Variants in KCNG1 observed in about 807,000 individuals in gnomAD.
KCNG1 encodes the protein potassium voltage-gated channel modifier subfamily G member 1.
Under a neutral mutation model 32.4 loss-of-function variants are expected in KCNG1, and 17 were observed. The observed-to-expected ratio is 0.52, with a 90% CI of 0.36 to 0.79. The LOEUF (loss-of-function observed/expected upper bound fraction) is 0.79. Ranked by LOEUF, KCNG1 falls within the 30% of genes least tolerant of loss-of-function variation. The pLI is 0.00. For synonymous variants in KCNG1, 358 were observed against 339.9 expected, an observed-to-expected ratio of 1.05 and a Z score of -0.59; for missense variants, 441 against 735.2, an observed-to-expected ratio of 0.60 and a Z score of 4.63.
chr20:51,020,544 T>A (rs1988441351), intron 1 of KCNG1, among the ~76,000 whole-genome samples: 1 of 152,122 alleles, frequency 6.6e-6, no homozygotes, highest in Non-Finnish European at 1.5e-5. Flanking sequence ...AGCAATGGAG[T>A]GCTTCAGCTA....
At chr20:51,018,714 C>A (rs1988366282) in intron 1 of KCNG1, among the ~76,000 whole-genome samples, 1 of 152,192 alleles carries the variant, frequency 6.6e-6, no homozygotes, top group Non-Finnish European at 1.5e-5. Flanking sequence ...ATCACTAATA[C>A]CCCCATTTTA....
chr20:51,004,884 C>A lies in KCNG1; in HGVS notation c.775-78G>T. On this transcript the variant is annotated intron_variant, in intron 2 of 2. Transcript: ENST00000371571. The surrounding 1 kb of genome is among the most constrained non-coding windows in gnomAD (Gnocchi z 4.3). ...GAGGGCAGAAGCTCTGCCCTGTGCC[C>A]TGCTGGGCTTCCCAGGCGGAAGGTG... 1 of 1,394,702 alleles carries A rather than the reference C, an allele frequency of 7.2e-7. No homozygotes were observed. Among genetic ancestry groups the A allele is most frequent in the South Asian group, 1.5e-5 (1 of 64,894 alleles). 86.4% of individuals were successfully genotyped at this position (1,394,702 alleles called of 1,614,324 possible).
chr20:51,022,578 G>A (rs1162957863), intron 1 of KCNG1: 1 of 152,162 alleles, frequency 6.6e-6, no homozygotes, highest in Non-Finnish European at 1.5e-5. Flanking sequence ...GCCCCCGCCG[G>A]GGTCACCGCG....
chr20:51,012,497 G>A (rs1601100561), intron 1 of KCNG1: 2 of 152,322 alleles, frequency 1.3e-5, no homozygotes, highest in African/African-American at 4.8e-5. Context: ...CTTGTTAAAT[G>A]AGTACATTTC....
At chr20:51,020,048 T>G (rs1988417995) in intron 1 of KCNG1, among the ~76,000 whole-genome samples, 1 of 152,048 alleles carries the variant, frequency 6.6e-6, no homozygotes, top group Non-Finnish European at 1.5e-5. Flanking sequence ...CTGGGGAGAT[T>G]GTGTGCTGGG....
chr20:51,019,638 G>A (rs1023247822), intron 1 of KCNG1, among the ~76,000 whole-genome samples: 11 of 152,148 alleles, frequency 7.2e-5, no homozygotes, highest in African/African-American at 2.7e-4. Flanking sequence ...TTTCTCTCCT[G>A]TACTCTGCAG....
Position 51,010,188 on chromosome 20 carries a change from C to T in KCNG1, c.151G>A (p.Glu51Lys), listed in dbSNP as rs1988020041. The change falls in exon 2 of 3, where the codon GAG (glutamate) becomes AAG (lysine). Residue 51 changes from glutamate to lysine, a missense_variant. Around this residue, in one of 6 missense-constraint regions of KCNG1, gnomAD observed 85 missense variants for 98.2 expected, o/e 0.87. Transcript: ENST00000371571. ...RRAQRLRPQDEPRQGCQPEDR... is the reference protein window; with the variant it reads ...RRAQRLRPQDKPRQGCQPEDR... ...TCGGGCTGACAGCCCTGGCGGGGCTCATCCTGCGGCCGCAGCCGCTGCGCC... is the reference window on the plus strand; with the variant it reads ...TCGGGCTGACAGCCCTGGCGGGGCTTATCCTGCGGCCGCAGCCGCTGCGCC... The T allele has an allele frequency of 3.1e-6, 5 of 1,598,630 alleles. No individual in the cohort carries two copies. Among genetic ancestry groups the T allele is most frequent in the Non-Finnish European group, 4.3e-6 (5 of 1,172,728 alleles).
intron 2 of KCNG1, chr20:51,007,066 C>T (rs1012127127): frequency 6.6e-6 from 1 of 152,274 alleles, no homozygotes; most frequent in Non-Finnish European, 1.5e-5. Flanking sequence ...GTTGATTTTA[C>T]CAGCTGGGTG....
chr20:51,010,169 T>C lies in KCNG1; in HGVS notation c.170A>G (p.Gln57Arg). 6.2e-7 allele frequency: 1 copy of C among 1,608,054 alleles called. No individual in the cohort carries two copies. The change falls in exon 2 of 3, where the codon CAG becomes CGG. Residue 57 changes from glutamine (Q) to arginine (R), a missense_variant. Transcript: ENST00000371571. ...RPQDEPRQGCQPEDRRRRIII... is the reference protein window; with the variant it reads ...RPQDEPRQGCRPEDRRRRIII... ...GATCCGACGGCGGCGGTCCTCGGGC[T>C]GACAGCCCTGGCGGGGCTCATCCTG...
Position 51,004,288 on chromosome 20 carries a change from G to T in KCNG1, c.1293C>A (p.Val431=), listed in dbSNP as rs186604143. The T allele has an allele frequency of 1.2e-4, 191 of 1,613,196 alleles. No individual in the cohort carries two copies. The East Asian group carries it at 2.5e-3, about 21-fold the overall frequency. ...CTACCTGGCCCGGGGTGCTCCTGGG[G>T]ACCATGTCGCCATAGCCCACCGTCG... The part of the protein sequence containing the change: ...TMTTVGYGDM[V]PRSTPGQVVA... Residue 431 remains valine (V), a synonymous_variant, in exon 3 of 3, where the codon GTC becomes GTA. Coordinates refer to ENST00000371571, the MANE Select transcript of KCNG1 (RefSeq NM_002237.4). The surrounding 1 kb of genome is among the most constrained non-coding windows in gnomAD (Gnocchi z 4.3).
chr20:51,020,406 G>A (rs1988435368), intron 1 of KCNG1, among the ~76,000 whole-genome samples: 1 of 152,146 alleles, frequency 6.6e-6, no homozygotes, highest in South Asian at 2.1e-4. Flanking sequence ...GTGTGGGTAT[G>A]AGAGTGAAGA....
At chr20:51,017,386 T>C (rs914745326) in intron 1 of KCNG1, among the ~76,000 whole-genome samples, 1 of 152,200 alleles carries the variant, frequency 6.6e-6, no homozygotes. Context: ...CTCAAGCACA[T>C]GTGAGGATCT....
chr20:51,022,632 T>G (rs1337693889), intron 1 of KCNG1: 1 of 152,120 alleles, frequency 6.6e-6, no homozygotes, highest in Non-Finnish European at 1.5e-5. Flanking sequence ...CCCCTTGGGA[T>G]GAACCGAAGC....
intron 1 of KCNG1, among the ~76,000 whole-genome samples, chr20:51,021,130 GAGA>G (rs1372798401): frequency 6.6e-6 from 1 of 152,340 alleles, no homozygotes; most frequent in East Asian, 1.9e-4. Context: ...CAAGTCTCAG[GAGA>G]AGAACCTAGG....
In KCNG1 at chr20:51,003,900, T is replaced by C. The variant is rs1987711136; in HGVS notation, c.*139A>G. 4.6e-6 allele frequency: 4 copies of C among 862,006 alleles called. No individual in the cohort carries two copies. Among genetic ancestry groups the C allele is most frequent in the Middle Eastern group, 3.6e-4 (1 of 2,812 alleles). The allele number at this position is 862,006 out of a possible 1,614,324, so 53.4% of individuals were successfully genotyped here. A position where few individuals can be genotyped will look rare whatever the true frequency, so the allele number is the denominator to read the frequency against. Reference sequence around the variant, plus strand: ...TCTTCCCGGGGTGTGGGAGTGAGGGTGTCCTTCCCCGGGTGCGTGGGAGTC... The same window carrying C: ...TCTTCCCGGGGTGTGGGAGTGAGGGCGTCCTTCCCCGGGTGCGTGGGAGTC... On this transcript the variant is annotated 3_prime_UTR_variant, in exon 3 of 3. Coordinates refer to ENST00000371571, the MANE Select transcript of KCNG1 (RefSeq NM_002237.4).
chr20:51,018,696 TG>T (rs1988365724), intron 1 of KCNG1, among the ~76,000 whole-genome samples: 1 of 152,200 alleles, frequency 6.6e-6, no homozygotes, highest in Non-Finnish European at 1.5e-5. Context: ...CCTAAAAAGG[TG>T]GGCATTATCA....
Position 51,004,875 on chromosome 20 carries a change from C to T in KCNG1, c.775-69G>A. On this transcript the variant is annotated intron_variant, in intron 2 of 2. Transcript: ENST00000371571. The surrounding 1 kb of genome is among the most constrained non-coding windows in gnomAD (Gnocchi z 4.3). ...CCAGGAAAGGAGGGCAGAAGCTCTG[C>T]CCTGTGCCCTGCTGGGCTTCCCAGG... The T allele has an allele frequency of 7.0e-7, 1 of 1,423,958 alleles. No homozygotes were observed. The highest frequency in any genetic ancestry group is 9.3e-7 in the Non-Finnish European group (1 of 1,074,670). 88.2% of individuals were successfully genotyped at this position (1,423,958 alleles called of 1,614,324 possible). A position where few individuals can be genotyped will look rare whatever the true frequency, so the allele number is the denominator to read the frequency against.
chr20:51,008,711 C>T (rs528541723), intron 2 of KCNG1, among the ~76,000 whole-genome samples: 1 of 152,084 alleles, frequency 6.6e-6, no homozygotes, highest in South Asian at 2.1e-4. Context: ...TGTTGGCAAC[C>T]AAGTCAAATT....
In KCNG1 at chr20:51,019,043, T is replaced by C. The variant is rs553833003; in HGVS notation, c.-27+3827A>G. Among the ~76,000 whole-genome samples, 12 of 151,546 alleles carry C rather than the reference T, an allele frequency of 7.9e-5. No individual in the cohort carries two copies. In the South Asian group the frequency reaches 2.3e-3, roughly 29 times the overall value. ...TATTTATATTTGCAAGTGAGCAGAG[T>C]TAAAAAAAATCAACAAAACCCCTAG... On this transcript the variant is annotated intron_variant, in intron 1 of 2. Transcript: ENST00000371571.
Sources: allele counts gnomAD v4.1 joint callset (sites outside exome capture counted in the v4.1 genomes callset), GRCh38; gene constraint gnomAD v4.1.1; regional missense constraint gnomAD v4.1.1; non-coding constraint Gnocchi (gnomAD v3.1); transcripts MANE v1.5; gene names NCBI Gene and HGNC (gene_info 2026-07-23, HGNC 2026-07-21).